The following PPFIBP2 variants were observed in gnomAD, a reference collection of about 807,000 sequenced individuals.
The protein encoded by PPFIBP2 is PPFIB scaffold protein 2.
A neutral mutation model predicts 118.3 loss-of-function variants in PPFIBP2; 118 were observed. That is an observed-to-expected ratio of 1.00 (90% CI 0.86 to 1.16). The LOEUF (loss-of-function observed/expected upper bound fraction) is 1.16. PPFIBP2 is among the 50% of genes most tolerant of loss of function. The probability of loss-of-function intolerance (pLI) is 0.00; values close to 1 mark genes in which losing one functional copy is unlikely to be tolerated. For synonymous variants in PPFIBP2, 414 were observed against 397.4 expected, an observed-to-expected ratio of 1.04 and a Z score of -0.50; for missense variants, 1,195 against 1,073.1, an observed-to-expected ratio of 1.11 and a Z score of -1.59.
chr11:7,630,743 A>T (rs991823863), intron 10 of PPFIBP2, among the ~76,000 whole-genome samples, 182 bp from the exon 11 acceptor site: 1 of 152,216 alleles, frequency 6.6e-6, no homozygotes, highest in Non-Finnish European at 1.5e-5. Context: ...CCTTGAAATG[A>T]TCCTGATGCC....
At chr11:7,566,648 G>A (rs868046406) in intron 3 of PPFIBP2, among the ~76,000 whole-genome samples, 9 of 152,148 alleles carry the variant, frequency 5.9e-5, no homozygotes, top group East Asian at 1.9e-4. Context: ...GATTATAAGC[G>A]TGAGCCACTG....
chr11:7,594,267 A>G (rs1260717768), intron 4 of PPFIBP2, among the ~76,000 whole-genome samples: 1 of 133,532 alleles, frequency 7.5e-6, no homozygotes, highest in Non-Finnish European at 1.7e-5. Context: ...CCTTTTTTCC[A>G]GTGTTGTTGG....
intron 23 of PPFIBP2, 132 bp downstream of exon 23, chr11:7,651,976 G>T (rs941650699): frequency 2.3e-6 from 2 of 878,602 alleles, no homozygotes; most frequent in Non-Finnish European, 3.3e-6. Flanking sequence ...AGCTTCTGCT[G>T]TGGGCTTGTG....
chr11:7,544,795 A>C lies in PPFIBP2; in HGVS notation c.-36-4645A>C, dbSNP rs575243525. ...TCTAAAAAAAAAAAAAAAAAAAAAA[A>C]AAATCTACTTCCCACCATCTGCTTA... On this transcript the variant is annotated intron_variant, in intron 1 of 23. Coordinates refer to ENST00000299492, the MANE Select transcript of PPFIBP2 (RefSeq NM_003621.5). Among the ~76,000 whole-genome samples the C allele has an allele frequency of 3.0e-3, 457 of 151,478 alleles. 3 individuals carry two copies. The highest frequency in any genetic ancestry group is 0.013 in the Admixed American group (201 of 15,186).
chr11:7,530,687 T>C (rs1850608235), intron 1 of PPFIBP2, among the ~76,000 whole-genome samples: 1 of 152,190 alleles, frequency 6.6e-6, no homozygotes, highest in South Asian at 2.1e-4. Flanking sequence ...ACCTTCCCAA[T>C]TTATGGTAAT....
intron 10 of PPFIBP2, 92 bp from the exon 11 acceptor site, chr11:7,630,833 T>C: frequency 2.2e-6 from 2 of 907,710 alleles, no homozygotes; most frequent in Non-Finnish European, 3.7e-6. Flanking sequence ...TCCTTCTTAA[T>C]GAAGGAGAAA....
At position 7,548,345 on chromosome 11, in the gene PPFIBP2, A is replaced by G. The variant is rs1172712937; in HGVS notation, c.-36-1095A>G. 3 of 152,260 alleles carry G rather than the reference A, an allele frequency of 2.0e-5. 1 individual carries two copies. The highest frequency in any genetic ancestry group is 7.2e-5 in the African/African-American group (3 of 41,456). The allele number at this position is 152,260 out of a possible 1,614,324, so 9.4% of individuals were successfully genotyped here. A position where few individuals can be genotyped will look rare whatever the true frequency, so the allele number is the denominator to read the frequency against. On this transcript the variant is annotated intron_variant, in intron 1 of 23. Coordinates refer to ENST00000299492, the MANE Select transcript of PPFIBP2 (RefSeq NM_003621.5). ...CACTCTAAATGTCCCACTTCACAGG[A>G]AAAACTGGCGGAGAGCCTCAGAACC...
At chr11:7,631,812 T>G (rs1850798189) in intron 11 of PPFIBP2, among the ~76,000 whole-genome samples, 1 of 152,194 alleles carries the variant, frequency 6.6e-6, no homozygotes, top group Admixed American at 6.5e-5. Context: ...GGTGTCCAAG[T>G]CTTACCAAGT....
At chr11:7,634,809 C>T (rs2135804196) in intron 13 of PPFIBP2, among the ~76,000 whole-genome samples, 1 of 152,274 alleles carries the variant, frequency 6.6e-6, no homozygotes, top group South Asian at 2.1e-4. Flanking sequence ...TGGTTAGAGT[C>T]TGCTGAGCAA....
In PPFIBP2 at chr11:7,542,241, A is replaced by G. The variant is rs117272838; in HGVS notation, c.-36-7199A>G. ...AGGGGGAGAATAATTCCTAACTGGT[A>G]TGGGGATTAAGTGAGATAATGTTGG... On this transcript the variant is annotated intron_variant, in intron 1 of 23. Transcript: ENST00000299492. 8.1e-3 allele frequency among the ~76,000 whole-genome samples: 1,228 copies of G among 152,294 alleles called. 13 individuals carry two copies. The highest frequency in any genetic ancestry group is 0.012 in the Admixed American group (178 of 15,302).
chr11:7,625,383 C>T (rs930227773), intron 7 of PPFIBP2, among the ~76,000 whole-genome samples: 3 of 152,062 alleles, frequency 2.0e-5, no homozygotes, highest in Admixed American at 1.3e-4. Flanking sequence ...CTAAATGTTA[C>T]TGTATGAGTG....
intron 5 of PPFIBP2, among the ~76,000 whole-genome samples, chr11:7,603,515 C>G (rs1846938747): frequency 6.6e-6 from 1 of 152,180 alleles, no homozygotes; most frequent in Admixed American, 6.5e-5. Context: ...CCCACTCTTT[C>G]ATTCTGGTTT....
chr11:7,653,716 GTCTCT>G lies in PPFIBP2; in HGVS notation c.*502_*506del. ...TGTGTTGTGCCTTACTTCAGAGGTGGTCTCTTCTTTCTTGTAATAAAAGCAATATT... is the reference window on the plus strand; with the variant it reads ...TGTGTTGTGCCTTACTTCAGAGGTGGTCTTTCTTGTAATAAAAGCAATATT... On this transcript the variant is annotated 3_prime_UTR_variant, in exon 24 of 24. Transcript: ENST00000299492. 1 of 1,252,754 alleles carries G rather than the reference GTCTCT, an allele frequency of 8.0e-7. No individual in the cohort carries two copies. Among genetic ancestry groups the G allele is most frequent in the Non-Finnish European group, 1.0e-6 (1 of 972,080 alleles). 77.6% of individuals were successfully genotyped at this position (1,252,754 alleles called of 1,614,324 possible). A position where few individuals can be genotyped will look rare whatever the true frequency, so the allele number is the denominator to read the frequency against.
At chr11:7,665,321 T>C in the PPFIBP2 span, 8 of 1,398,656 alleles carry the variant, frequency 5.7e-6, no homozygotes, top group Non-Finnish European at 6.7e-6. Flanking sequence ...AAATTGAACT[T>C]ACTCTGAAAC....
chr11:7,650,189 C>T (rs748853120), intron 21 of PPFIBP2, among the ~76,000 whole-genome samples: 1 of 152,152 alleles, frequency 6.6e-6, no homozygotes, highest in South Asian at 2.1e-4. Context: ...CCATGAACTT[C>T]GGAGTTCTTG....
At chr11:7,558,753 C>CA (rs573342518) in intron 2 of PPFIBP2, among the ~76,000 whole-genome samples, 120 of 133,682 alleles carry the variant, frequency 9.0e-4, no homozygotes, top group Admixed American at 3.3e-3. Flanking sequence ...AACTCTGTCT[C>CA]AAAAAAAAAA....
At chr11:7,583,408 G>A (rs1009211144) in intron 3 of PPFIBP2, among the ~76,000 whole-genome samples, 62 of 152,200 alleles carry the variant, frequency 4.1e-4, no homozygotes, top group Admixed American at 3.3e-4. Context: ...CACCCTAACT[G>A]TAGCACCCAG....
At chr11:7,641,168 G>C in intron 15 of PPFIBP2, 1 of 1,018,572 alleles carries the variant, frequency 9.8e-7, no homozygotes, top group Admixed American at 2.4e-5. Flanking sequence ...ACTACTGCCT[G>C]CGTTCCTGCA....
At chr11:7,608,456 C>T (rs1237301755) in intron 5 of PPFIBP2, among the ~76,000 whole-genome samples, 1 of 151,714 alleles carries the variant, frequency 6.6e-6, no homozygotes, top group South Asian at 2.1e-4. Context: ...GCCTGGCCAA[C>T]ATGGTGAAAC....
Sources: allele counts gnomAD v4.1 joint callset (sites outside exome capture counted in the v4.1 genomes callset), GRCh38; gene constraint gnomAD v4.1.1; transcripts MANE v1.5; gene names NCBI Gene and HGNC (gene_info 2026-07-23, HGNC 2026-07-21).